Variants in SCIN observed in about 807,000 individuals in gnomAD.
SCIN encodes scinderin, also known as adseverin.
A neutral mutation model predicts 91.8 loss-of-function variants in SCIN; 91 were observed. That is an observed-to-expected ratio of 0.99 (90% CI 0.84 to 1.18). The LOEUF is 1.18. Ranked by LOEUF, SCIN falls within the 50% of genes most tolerant of loss-of-function variation. The pLI is 0.00. For missense variants in SCIN, 1,087 were observed against 863.9 expected, an observed-to-expected ratio of 1.26 and a Z score of -3.24; for synonymous variants, 367 against 312.6, an observed-to-expected ratio of 1.17 and a Z score of -1.84.
At chr7:12,632,118 T>G (rs1265514542) in intron 9 of SCIN, among the ~76,000 whole-genome samples, 1 of 145,962 alleles carries the variant, frequency 6.9e-6, no homozygotes, top group Non-Finnish European at 1.5e-5. Context: ...TATTTTATTT[T>G]ATTTTATTTT....
In SCIN at chr7:12,603,573, TC is replaced by T. The variant is rs368550742; in HGVS notation, c.517-940del. Among the ~76,000 whole-genome samples the T allele has an allele frequency of 2.7e-4, 41 of 152,270 alleles. No homozygotes were observed. The East Asian group carries it at 7.9e-3, about 29-fold the overall frequency. ...GGGTATTATTCAACTTCTCTTTCTT[TC>T]TTTTGGTAAACAATGTTAATGGAGG... On this transcript the variant is annotated intron_variant, in intron 3 of 15. Transcript: ENST00000297029.
At chr7:12,626,425 T>A (rs1783522953) in intron 7 of SCIN, 159 bp from the exon 8 acceptor site, 2 of 584,470 alleles carry the variant, frequency 3.4e-6, no homozygotes, top group Admixed American at 6.5e-5. Context: ...TCAGCGGCAA[T>A]TACTTTAGTT....
intron 9 of SCIN, 148 bp downstream of exon 9, chr7:12,629,370 G>T (rs1583310623): frequency 1.3e-6 from 1 of 760,442 alleles, no homozygotes; most frequent in African/African-American, 1.9e-5. Context: ...CTTTTTACAT[G>T]ATTTTGACTA....
intron 3 of SCIN, among the ~76,000 whole-genome samples, chr7:12,586,963 C>G (rs1208695410): frequency 6.6e-6 from 1 of 152,026 alleles, no homozygotes; most frequent in Non-Finnish European, 1.5e-5. Flanking sequence ...GGTTAATTAA[C>G]AGATACAAAA....
At chr7:12,580,298 GA>G (rs1389870554) in intron 2 of SCIN, among the ~76,000 whole-genome samples, 3 of 147,518 alleles carry the variant, frequency 2.0e-5, no homozygotes. Flanking sequence ...TAGAAAAAAT[GA>G]AAAGGTAAAA....
intron 3 of SCIN, among the ~76,000 whole-genome samples, chr7:12,603,386 G>A (rs538110905): frequency 2.0e-5 from 3 of 152,060 alleles, no homozygotes; most frequent in South Asian, 2.1e-4. Context: ...CCCACGATCC[G>A]CAAGCCTCGG....
intron 4 of SCIN, chr7:12,611,168 A>G: frequency 9.7e-6 from 1 of 103,200 alleles, no homozygotes; most frequent in East Asian, 2.8e-4. Context: ...ATGAACTCCA[A>G]GGATCTACAC....
At chr7:12,625,598 G>A (rs370123575) in intron 6 of SCIN, among the ~76,000 whole-genome samples, 164 bp from the exon 7 acceptor site, 2 of 151,978 alleles carry the variant, frequency 1.3e-5, no homozygotes, top group African/African-American at 4.8e-5. Context: ...CAAAGTGCTA[G>A]GATTACAGGC....
In SCIN at chr7:12,629,239, A is replaced by G. The variant is rs1383268221; in HGVS notation, c.1319+17A>G. Reference sequence around the variant, plus strand: ...CTACACGTGGTGAGTTTATACGGGTAAAGATCTCGAGTTCCACAGGAGCCA... The same window carrying G: ...CTACACGTGGTGAGTTTATACGGGTGAAGATCTCGAGTTCCACAGGAGCCA... On this transcript the variant is annotated intron_variant, in intron 9 of 15. Transcript: ENST00000297029. 1.9e-6 allele frequency: 3 copies of G among 1,590,958 alleles called. No individual in the cohort carries two copies. The highest frequency in any genetic ancestry group is 1.7e-6 in the Non-Finnish European group (2 of 1,170,918).
Position 12,654,612 on chromosome 7 carries a change from A to G in SCIN, c.*1897A>G, listed in dbSNP as rs1041845803. ...GATGATGAGAATAAAATGATTTAAT[A>G]AGTAGTACTTTTTCACAAAATTAGT... On this transcript the variant is annotated 3_prime_UTR_variant, in exon 16 of 16. Coordinates refer to ENST00000297029, the MANE Select transcript of SCIN (RefSeq NM_001112706.3). 12 of 152,170 alleles carry G rather than the reference A, an allele frequency of 7.9e-5. No individual in the cohort carries two copies. Among genetic ancestry groups the G allele is most frequent in the African/African-American group, 2.7e-4 (11 of 41,432 alleles). 9.4% of individuals were successfully genotyped at this position (152,170 alleles called of 1,614,324 possible). A position where few individuals can be genotyped will look rare whatever the true frequency, so the allele number is the denominator to read the frequency against.
intron 2 of SCIN, 134 bp from the exon 3 acceptor site, chr7:12,580,926 C>A: frequency 1.3e-6 from 1 of 749,444 alleles, no homozygotes; most frequent in South Asian, 2.1e-5. Context: ...GAATAGGTGG[C>A]TATTTTAACT....
In SCIN at chr7:12,651,745, T is replaced by A; in HGVS notation, c.1960-96T>A. 1.4e-6 allele frequency: 1 copy of A among 734,360 alleles called. No individual in the cohort carries two copies. Among genetic ancestry groups the A allele is most frequent in the Non-Finnish European group, 2.3e-6 (1 of 438,388 alleles). The allele number at this position is 734,360 out of a possible 1,614,324, so 45.5% of individuals were successfully genotyped here. On this transcript the variant is annotated intron_variant, in intron 14 of 15. Transcript: ENST00000297029. The surrounding 1 kb of genome is among the most constrained non-coding windows in gnomAD (Gnocchi z 5.9). The stretch of plus-strand genomic sequence containing the variant: ...TAACTTCTGCGGATATTGTGAAGAT[T>A]GAATGAGCAATGTGTGTGTGAAGCA...
At chr7:12,615,210 G>A (rs181365345) in intron 4 of SCIN, among the ~76,000 whole-genome samples, 4 of 152,216 alleles carry the variant, frequency 2.6e-5, no homozygotes, top group African/African-American at 9.6e-5. Context: ...AGTTTTAATA[G>A]CACAGTGTTT....
Position 12,636,145 on chromosome 7 carries a change from T to G in SCIN, c.1410+10T>G. 3 of 1,601,890 alleles carry G rather than the reference T, an allele frequency of 1.9e-6. No homozygotes were observed. The highest frequency in any genetic ancestry group is 2.6e-6 in the Non-Finnish European group (3 of 1,171,144). On this transcript the variant is annotated intron_variant, in intron 10 of 15. Coordinates refer to ENST00000297029, the MANE Select transcript of SCIN (RefSeq NM_001112706.3). ...AGGACAGGCTGTGCAGGTTGGGATA[T>G]TTTTACCCCCAAAACTCACACAAGT...
intron 4 of SCIN, among the ~76,000 whole-genome samples, chr7:12,605,643 G>A (rs1490023858): frequency 1.3e-5 from 2 of 152,034 alleles, no homozygotes; most frequent in East Asian, 3.9e-4. Flanking sequence ...AGTACTTGTG[G>A]GTGGAATTTC....
At chr7:12,650,968 G>A (rs1784067533) in intron 14 of SCIN, among the ~76,000 whole-genome samples, 1 of 152,124 alleles carries the variant, frequency 6.6e-6, no homozygotes, top group African/African-American at 2.4e-5. Flanking sequence ...CTGTGTAAGG[G>A]CCAAGGGAAA....
intron 3 of SCIN, among the ~76,000 whole-genome samples, chr7:12,592,773 T>C (rs1280029079): frequency 1.3e-5 from 2 of 152,078 alleles, no homozygotes; most frequent in Non-Finnish European, 2.9e-5. Flanking sequence ...GATGAGTCCG[T>C]CAACCCCCAC....
At chr7:12,578,909 G>GTTTTTTTTTTTTTTTTTTTGTTTTTTTTT in intron 2 of SCIN, among the ~76,000 whole-genome samples, 50 of 85,828 alleles carry the variant, frequency 5.8e-4, no homozygotes, top group Non-Finnish European at 9.8e-4. Context: ...TATAGGACAG[G>GTTTTTTTTTTTTTTTTTTTGTTTTTTTTT]TTTTTTTTTT....
chr7:12,578,796 A>G (rs1412867991), intron 2 of SCIN, among the ~76,000 whole-genome samples: 1 of 152,056 alleles, frequency 6.6e-6, no homozygotes, highest in Non-Finnish European at 1.5e-5. Flanking sequence ...GCACATACAC[A>G]ATTTATGCAC....
Sources: gnomAD v4.1 joint callset for allele counts (sites outside exome capture counted in the v4.1 genomes callset) on GRCh38, gnomAD v4.1.1 for gene constraint, Gnocchi (gnomAD v3.1) non-coding constraint, MANE v1.5 for transcripts, NCBI Gene and HGNC (gene_info 2026-07-23, HGNC 2026-07-21) for gene names.